SNAP25: variants seen among roughly 807,000 people sequenced by gnomAD.
SNAP25 encodes synaptosomal-associated protein 25.
A neutral mutation model predicts 28.7 loss-of-function variants in SNAP25; 3 were observed. That is an observed-to-expected ratio of 0.10 (90% CI 0.05 to 0.27). The LOEUF is 0.27. Among genes scored for constraint, SNAP25 ranks in the 10% least tolerant of loss-of-function variants. The pLI, the probability that SNAP25 is intolerant of heterozygous loss-of-function variation, is 1.00. For missense variants in SNAP25, 117 were observed against 278.7 expected (o/e 0.42, Z 4.13); for synonymous variants, 61 against 88.1 (o/e 0.69, Z 1.72).
intron 1 of SNAP25, among the ~76,000 whole-genome samples, chr20:10,251,340 G>A (rs1164005100): frequency 6.6e-6 from 1 of 152,154 alleles, no homozygotes; most frequent in Non-Finnish European, 1.5e-5. Flanking sequence ...AGAAATACTG[G>A]GAAGGATACC....
At chr20:10,240,448 C>CCAA (rs2063006358) in intron 1 of SNAP25, among the ~76,000 whole-genome samples, 2 of 152,178 alleles carry the variant, frequency 1.3e-5, no homozygotes, top group African/African-American at 4.8e-5. Flanking sequence ...AGAATGGCAT[C>CCAA]CTGTCATGCT....
At chr20:10,297,640 C>T (rs553739979) in intron 6 of SNAP25, among the ~76,000 whole-genome samples, 1 of 152,184 alleles carries the variant, frequency 6.6e-6, no homozygotes, top group Non-Finnish European at 1.5e-5. Flanking sequence ...GCAATAGTTA[C>T]GACTGTGGGC....
At chr20:10,239,479 CT>C (rs1346185986) in intron 1 of SNAP25, among the ~76,000 whole-genome samples, 1 of 152,196 alleles carries the variant, frequency 6.6e-6, no homozygotes, top group African/African-American at 2.4e-5. Context: ...GCCTGTAGAT[CT>C]TTTTAAACTA....
intron 1 of SNAP25, among the ~76,000 whole-genome samples, chr20:10,241,726 G>A (rs1023204572): frequency 1.3e-5 from 2 of 152,158 alleles, no homozygotes; most frequent in Admixed American, 6.5e-5. Context: ...CAGGGGCAAG[G>A]TGGGTGCTTT....
At chr20:10,303,624 C>G (rs545868194) in intron 7 of SNAP25, among the ~76,000 whole-genome samples, 1 of 152,146 alleles carries the variant, frequency 6.6e-6, no homozygotes, top group Non-Finnish European at 1.5e-5. Context: ...CCCACACTGC[C>G]TGGCAGCCTC....
intron 1 of SNAP25, among the ~76,000 whole-genome samples, chr20:10,248,855 G>T (rs917611320): frequency 1.3e-5 from 2 of 152,190 alleles, no homozygotes; most frequent in African/African-American, 4.8e-5. Flanking sequence ...TGATTCATTT[G>T]GTCTGGGGCC....
At chr20:10,301,040 C>A (rs573731626) in intron 7 of SNAP25, among the ~76,000 whole-genome samples, 2 of 152,122 alleles carry the variant, frequency 1.3e-5, no homozygotes, top group Non-Finnish European at 2.9e-5. Flanking sequence ...CTTGCAGATG[C>A]AGCTAGATAA....
Position 10,293,038 on chromosome 20 carries a change from TTTTC to T in SNAP25, c.164-115_164-112del, listed in dbSNP as rs781352714. On this transcript the variant is annotated intron_variant, in intron 4 of 7. Transcript: ENST00000254976. The surrounding 1 kb of genome is among the most constrained non-coding windows in gnomAD (Gnocchi z 5.6). ...ACCAGCTCTAATCTGTGGCGTCCAG[TTTTC>T]TTTCTTTTTTTTTTTTTCTTTTTTA... The T allele has an allele frequency of 1.7e-5, 25 of 1,474,558 alleles. No individual in the cohort carries two copies. The highest frequency in any genetic ancestry group is 2.1e-5 in the Non-Finnish European group (23 of 1,085,474). The allele number at this position is 1,474,558 out of a possible 1,614,324, so 91.3% of individuals were successfully genotyped here. A position where few individuals can be genotyped will look rare whatever the true frequency, so the allele number is the denominator to read the frequency against.
intron 1 of SNAP25, among the ~76,000 whole-genome samples, chr20:10,227,223 TC>T (rs1353477839): frequency 6.6e-6 from 1 of 152,104 alleles, no homozygotes; most frequent in Non-Finnish European, 1.5e-5. Flanking sequence ...TGCCCCTATC[TC>T]CCTTGTAAGA....
At chr20:10,256,151 G>A (rs1416625817) in intron 1 of SNAP25, among the ~76,000 whole-genome samples, 1 of 152,194 alleles carries the variant, frequency 6.6e-6, no homozygotes, top group Non-Finnish European at 1.5e-5. Context: ...TAAAATCAGA[G>A]CTAGGTATCT....
chr20:10,299,193 C>T (rs2064179320), intron 6 of SNAP25, 75 bp from the exon 7 acceptor site: 1 of 1,520,520 alleles, frequency 6.6e-7, no homozygotes, highest in African/African-American at 1.4e-5. Flanking sequence ...GACAGATTTC[C>T]ACTATGCTTT....
At chr20:10,287,254 A>G (rs893791475) in intron 4 of SNAP25, among the ~76,000 whole-genome samples, 2 of 152,120 alleles carry the variant, frequency 1.3e-5, no homozygotes, top group Admixed American at 1.3e-4. Flanking sequence ...TTTGCAACCT[A>G]CTCATCTGAC....
intron 1 of SNAP25, among the ~76,000 whole-genome samples, chr20:10,255,756 C>T (rs1239479624): frequency 1.3e-5 from 2 of 152,150 alleles, no homozygotes; most frequent in African/African-American, 4.8e-5. Flanking sequence ...AACATTCTAG[C>T]CTCCTTTCCC....
At chr20:10,285,415 A>T (rs2063856542) in intron 4 of SNAP25, among the ~76,000 whole-genome samples, 1 of 152,212 alleles carries the variant, frequency 6.6e-6, no homozygotes, top group South Asian at 2.1e-4. Flanking sequence ...GAAAAGGGTA[A>T]TACCATCATT....
At chr20:10,221,137 A>G (rs1302373143) in intron 1 of SNAP25, among the ~76,000 whole-genome samples, 1 of 152,262 alleles carries the variant, frequency 6.6e-6, no homozygotes, top group Non-Finnish European at 1.5e-5. Flanking sequence ...TTCATGCTGC[A>G]TGTCCAGACA....
intron 1 of SNAP25, among the ~76,000 whole-genome samples, chr20:10,266,211 C>T (rs1314549076): frequency 6.6e-6 from 1 of 152,208 alleles, no homozygotes; most frequent in Non-Finnish European, 1.5e-5. Flanking sequence ...CAGTTTCACT[C>T]ACCCTTTCAA....
At chr20:10,264,848 A>G (rs1316871339) in intron 1 of SNAP25, among the ~76,000 whole-genome samples, 1 of 151,856 alleles carries the variant, frequency 6.6e-6, no homozygotes, top group East Asian at 1.9e-4. Context: ...TCCATAGGTA[A>G]TGTAACTGGG....
rs1880213178 is a variant in SNAP25 at position 10,306,717 on chromosome 20, T to A, written c.*520T>A. 6.5e-6 allele frequency: 1 copy of A among 153,282 alleles called. No individual in the cohort carries two copies. The highest frequency in any genetic ancestry group is 2.4e-5 in the African/African-American group (1 of 41,460). The allele number at this position is 153,282 out of a possible 1,614,324, so 9.5% of individuals were successfully genotyped here. On this transcript the variant is annotated 3_prime_UTR_variant, in exon 8 of 8. Coordinates refer to ENST00000254976, the MANE Select transcript of SNAP25 (RefSeq NM_130811.4). ...GCATTGCACTAAAAGTGATGTGATT[T>A]ATGCATTTATGCATGAGAACTAAAT...
At position 10,262,013 on chromosome 20, in the gene SNAP25, C is replaced by G. The variant is rs188902059; in HGVS notation, c.-63-13416C>G. 2.7e-4 allele frequency among the ~76,000 whole-genome samples: 41 copies of G among 152,272 alleles called. No individual in the cohort carries two copies. The East Asian group carries it at 6.7e-3, about 25-fold the overall frequency. On this transcript the variant is annotated intron_variant, in intron 1 of 7. Coordinates refer to ENST00000254976, the MANE Select transcript of SNAP25 (RefSeq NM_130811.4). ...AACACCACTGATTCTTTGATAAATA[C>G]CATACAGCTCATGTGCCTGCTTTTA...
Sources: gnomAD v4.1 joint callset for allele counts (sites outside exome capture counted in the v4.1 genomes callset) on GRCh38, gnomAD v4.1.1 for gene constraint, Gnocchi (gnomAD v3.1) non-coding constraint, MANE v1.5 for transcripts, NCBI Gene and HGNC (gene_info 2026-07-23, HGNC 2026-07-21) for gene names.